The following SLC17A8 variants were observed in gnomAD, a reference collection of about 807,000 sequenced individuals.
SLC17A8 encodes vesicular glutamate transporter 3.
In SLC17A8, 31 loss-of-function variants were observed where a neutral mutation model predicts 58.0. The observed-to-expected ratio is 0.53, with a 90% CI of 0.40 to 0.72. SLC17A8 has a LOEUF of 0.72. SLC17A8 is among the 30% of genes least tolerant of loss of function. The probability of loss-of-function intolerance (pLI) is 0.00; values close to 1 mark genes in which losing one functional copy is unlikely to be tolerated. For missense variants in SLC17A8, 655 were observed against 727.8 expected, an observed-to-expected ratio of 0.90 and a Z score of 1.15; for synonymous variants, 228 against 249.0, an observed-to-expected ratio of 0.92 and a Z score of 0.79.
At chr12:100,363,469 G>A (rs888649405) in intron 1 of SLC17A8, among the ~76,000 whole-genome samples, 2 of 152,124 alleles carry the variant, frequency 1.3e-5, no homozygotes, top group African/African-American at 4.8e-5. Context: ...CTGGGTTCAA[G>A]CAATTCTCCT....
Position 100,421,275 on chromosome 12 carries a change from T to G in SLC17A8, c.*1116T>G, listed in dbSNP as rs565228718. The G allele has an allele frequency of 1.3e-5, 2 of 152,192 alleles. No homozygotes were observed. The highest frequency in any genetic ancestry group is 2.9e-5 in the Non-Finnish European group (2 of 68,030). 9.4% of individuals were successfully genotyped at this position (152,192 alleles called of 1,614,324 possible). On this transcript the variant is annotated 3_prime_UTR_variant, in exon 12 of 12. Transcript: ENST00000323346. Reference sequence around the variant, plus strand: ...AAAAATGTATCTCTTTAGCCTTTTCTGCTGGAGATTATATTAGGAAGTTTC... The same window carrying G: ...AAAAATGTATCTCTTTAGCCTTTTCGGCTGGAGATTATATTAGGAAGTTTC...
chr12:100,404,268 G>A, intron 9 of SLC17A8, 98 bp downstream of exon 9: 1 of 1,518,422 alleles, frequency 6.6e-7, no homozygotes, highest in South Asian at 1.1e-5. Flanking sequence ...AGTCATTGGA[G>A]TGGATCTTAA....
At chr12:100,397,552 C>A (rs1025414547) in intron 5 of SLC17A8, among the ~76,000 whole-genome samples, 1 of 152,130 alleles carries the variant, frequency 6.6e-6, no homozygotes, top group South Asian at 2.1e-4. Flanking sequence ...GTGGCTGGGT[C>A]CCTAGGAATC....
At chr12:100,371,232 C>T (rs914211519) in intron 1 of SLC17A8, among the ~76,000 whole-genome samples, 4 of 152,200 alleles carry the variant, frequency 2.6e-5, no homozygotes, top group Non-Finnish European at 1.5e-5. Context: ...GTAGTCCCAT[C>T]TTCCTTTCAT....
intron 6 of SLC17A8, 87 bp from the exon 7 acceptor site, chr12:100,402,252 GA>G (rs1952796409): frequency 2.6e-6 from 4 of 1,511,798 alleles, no homozygotes; most frequent in Non-Finnish European, 2.7e-6. Flanking sequence ...CATTTTACCT[GA>G]AAAAAATATA....
At chr12:100,399,590 A>ATC in intron 5 of SLC17A8, among the ~76,000 whole-genome samples, 1 of 151,934 alleles carries the variant, frequency 6.6e-6, no homozygotes. Context: ...GTGGCAGAAG[A>ATC]GAGAGAGAGA....
chr12:100,364,996 C>T (rs146822602), intron 1 of SLC17A8, among the ~76,000 whole-genome samples: 1 of 152,254 alleles, frequency 6.6e-6, no homozygotes, highest in East Asian at 1.9e-4. Flanking sequence ...AATTTGTTCA[C>T]AGGTGTGAGC....
chr12:100,396,284 G>A (rs1952753167), intron 4 of SLC17A8, 46 bp from the exon 5 acceptor site: 2 of 1,472,192 alleles, frequency 1.4e-6, no homozygotes, highest in Non-Finnish European at 1.9e-6. Context: ...AACACAAGCA[G>A]AAACTACAGT....
At position 100,420,000 on chromosome 12, in the gene SLC17A8, G is replaced by C. The variant is rs759209427; in HGVS notation, c.1611G>C (p.Glu537Asp). The C allele has an allele frequency of 1.2e-6, 2 of 1,614,026 alleles. No homozygotes were observed. The highest frequency in any genetic ancestry group is 2.2e-5 in the South Asian group (2 of 91,064). Residue 537 changes from glutamate to aspartate, a missense_variant, in exon 12 of 12, where the codon GAG becomes GAC. Physicochemically the swap from Glu to Asp is conservative, Grantham distance 45. Transcript: ENST00000323346. Reference protein sequence around the residue: ...ELAEEIELNHESFASPKKKMS... With the variant: ...ELAEEIELNHDSFASPKKKMS... Reference sequence around the variant, plus strand: ...CTGAGGAGATAGAACTCAACCATGAGAGTTTTGCGAGTCCCAAAAAGAAGA... The same window carrying C: ...CTGAGGAGATAGAACTCAACCATGACAGTTTTGCGAGTCCCAAAAAGAAGA...
chr12:100,396,276 C>A, intron 4 of SLC17A8, 54 bp from the exon 5 acceptor site: 1 of 1,399,472 alleles, frequency 7.1e-7, no homozygotes, highest in Non-Finnish European at 1.0e-6. Flanking sequence ...ATATTTTAAA[C>A]ACAAGCAGAA....
At chr12:100,361,923 T>G (rs1256751610) in intron 1 of SLC17A8, among the ~76,000 whole-genome samples, 2 of 151,670 alleles carry the variant, frequency 1.3e-5, no homozygotes, top group African/African-American at 4.8e-5. Context: ...ATCACACCAC[T>G]GCACTCCAGC....
chr12:100,398,949 C>G (rs893393618), intron 5 of SLC17A8, among the ~76,000 whole-genome samples: 2 of 152,146 alleles, frequency 1.3e-5, no homozygotes, highest in African/African-American at 4.8e-5. Context: ...TCTATGCCTT[C>G]TGCCATGATT....
Position 100,401,808 on chromosome 12 carries a change from C to T in SLC17A8, c.708C>T (p.Pro236=), listed in dbSNP as rs775878015. 1.9e-6 allele frequency: 3 copies of T among 1,613,980 alleles called. No homozygotes were observed. The Admixed American group carries it at 5.0e-5, about 27-fold the overall frequency. The change falls in exon 6 of 12, where the codon CCC becomes CCT. Residue 236 remains proline, a synonymous_variant. Transcript: ENST00000323346. ...GSYAGAVVAM[P]LAGVLVQYIG... ...ATGCAGGGGCAGTGGTTGCCATGCC[C>T]CTGGCTGGGGTGTTGGTGCAGTACA...
At chr12:100,368,947 C>T (rs974997055) in intron 1 of SLC17A8, among the ~76,000 whole-genome samples, 7 of 152,212 alleles carry the variant, frequency 4.6e-5, no homozygotes, top group African/African-American at 1.4e-4. Context: ...AGAATACACT[C>T]TAGCTAAAGT....
intron 1 of SLC17A8, among the ~76,000 whole-genome samples, chr12:100,372,245 G>A (rs1408383096): frequency 6.6e-6 from 1 of 152,088 alleles, no homozygotes. Flanking sequence ...TTCTCCTGAG[G>A]CCTTTGTCCT....
intron 9 of SLC17A8, among the ~76,000 whole-genome samples, chr12:100,409,280 G>T (rs1343557689): frequency 6.6e-6 from 1 of 152,018 alleles, no homozygotes; most frequent in African/African-American, 2.4e-5. Flanking sequence ...CCACCTCCCG[G>T]TTTCAAGTGA....
chr12:100,401,360 G>A (rs1952790043), intron 5 of SLC17A8, among the ~76,000 whole-genome samples: 1 of 150,750 alleles, frequency 6.6e-6, no homozygotes. Context: ...ATAATTCAAT[G>A]TCCCTCATTT....
intron 9 of SLC17A8, among the ~76,000 whole-genome samples, chr12:100,411,781 A>G (rs886941250): frequency 4.6e-5 from 7 of 151,530 alleles, no homozygotes; most frequent in Non-Finnish European, 1.5e-5. Flanking sequence ...CTTATTCTGA[A>G]TGAAAGGAAC....
At chr12:100,375,954 A>C (rs1200858013) in intron 1 of SLC17A8, among the ~76,000 whole-genome samples, 1 of 152,164 alleles carries the variant, frequency 6.6e-6, no homozygotes, top group African/African-American at 2.4e-5. Context: ...ATATGAGTAT[A>C]TTTGGAGATA....
Sources: gnomAD v4.1 joint callset for allele counts (sites outside exome capture counted in the v4.1 genomes callset) on GRCh38, gnomAD v4.1.1 for gene constraint, MANE v1.5 for transcripts, NCBI Gene and HGNC (gene_info 2026-07-23, HGNC 2026-07-21) for gene names.